Variants in CDK5RAP2 observed in about 807,000 individuals in gnomAD.
CDK5RAP2 encodes CDK5 regulatory subunit associated protein 2, also known as CDK5 regulatory subunit-associated protein 2.
CDK5RAP2 carries 147 observed loss-of-function variants against 232.9 expected under a neutral mutation model. The observed-to-expected ratio is 0.63, with a 90% CI of 0.55 to 0.72. The LOEUF is 0.72. Ranked by LOEUF, CDK5RAP2 falls within the 30% of genes least tolerant of loss-of-function variation. The pLI is 0.00. For missense variants in CDK5RAP2, 2,195 were observed against 2,231.5 expected (o/e 0.98, Z 0.33); for synonymous variants, 833 against 833.7 (o/e 1.00, Z 0.01).
At chr9:120,411,506 AAC>A (rs1253219006) in intron 28 of CDK5RAP2, 32 bp from the exon 29 acceptor site, 1 of 1,168,502 alleles carries the variant, frequency 8.6e-7, no homozygotes, top group Non-Finnish European at 1.3e-6. Flanking sequence ...CTGATTTATA[AAC>A]AGTCTCCAGA....
intron 36 of CDK5RAP2, among the ~76,000 whole-genome samples, chr9:120,394,000 A>G (rs1012265957): frequency 5.3e-5 from 8 of 151,866 alleles, no homozygotes; most frequent in African/African-American, 1.9e-4. Flanking sequence ...CTGACCCCCA[A>G]TCCCTCCCAC....
At position 120,475,722 on chromosome 9, in the gene CDK5RAP2, C is replaced by G. The variant is rs192976670; in HGVS notation, c.1727+1628G>C. ...GCAGCATGTTTTCATTTTCCCTAAA[C>G]TCATTTCCTATGAAAAAATCTGGAA... On this transcript the variant is annotated intron_variant, in intron 15 of 37. Coordinates refer to ENST00000349780, the MANE Select transcript of CDK5RAP2 (RefSeq NM_018249.6). Among the ~76,000 whole-genome samples the G allele has an allele frequency of 3.9e-5, 6 of 152,328 alleles. 1 individual carries two copies. The South Asian group carries it at 1.2e-3, about 32-fold the overall frequency.
chr9:120,466,836 G>A (rs1323312879), intron 18 of CDK5RAP2, among the ~76,000 whole-genome samples: 1 of 152,178 alleles, frequency 6.6e-6, no homozygotes, highest in East Asian at 1.9e-4. Context: ...CCCAAGAAAT[G>A]ATGTTGCAAT....
intron 25 of CDK5RAP2, among the ~76,000 whole-genome samples, chr9:120,430,616 G>C (rs1173281403): frequency 6.6e-6 from 1 of 152,080 alleles, no homozygotes; most frequent in South Asian, 2.1e-4. Flanking sequence ...GAAACAACAG[G>C]TGCTAGAGAG....
In CDK5RAP2 at chr9:120,400,739, T is replaced by G; in HGVS notation, c.5451+3A>C. 2.5e-6 allele frequency: 4 copies of G among 1,613,436 alleles called. No individual in the cohort carries two copies. The highest frequency in any genetic ancestry group is 3.4e-6 in the Non-Finnish European group (4 of 1,179,998). The stretch of plus-strand genomic sequence containing the variant: ...AGCCTCTGAAACATGTGTCACCACC[T>G]ACCTGCTCACAGTGAAGGGGGCACT... On this transcript the variant is annotated splice_donor_region_variant and intron_variant, in intron 35 of 37. Coordinates refer to ENST00000349780, the MANE Select transcript of CDK5RAP2 (RefSeq NM_018249.6).
chr9:120,501,596 C>T (rs925625334), intron 12 of CDK5RAP2, among the ~76,000 whole-genome samples: 2 of 152,172 alleles, frequency 1.3e-5, no homozygotes, highest in African/African-American at 4.8e-5. Context: ...TCTATGTCCC[C>T]TCCTATTGAA....
intron 10 of CDK5RAP2, among the ~76,000 whole-genome samples, chr9:120,527,511 TG>T (rs200622903): frequency 6.6e-5 from 1 of 15,190 alleles, no homozygotes; most frequent in African/African-American, 8.9e-5. Flanking sequence ...GATTATGTTT[TG>T]GGGGGGGATA....
At chr9:120,576,759 G>A (rs1471099967) in intron 1 of CDK5RAP2, among the ~76,000 whole-genome samples, 1 of 151,880 alleles carries the variant, frequency 6.6e-6, no homozygotes, top group Non-Finnish European at 1.5e-5. Context: ...CCAAAGGATG[G>A]CTATAATCAA....
At chr9:120,453,280 G>A (rs1395642254) in intron 21 of CDK5RAP2, among the ~76,000 whole-genome samples, 176 bp downstream of exon 21, 2 of 152,134 alleles carry the variant, frequency 1.3e-5, no homozygotes, top group East Asian at 1.9e-4. Context: ...AGGAGAGGCA[G>A]GGGAAGGTCA....
intron 3 of CDK5RAP2, among the ~76,000 whole-genome samples, chr9:120,562,112 T>C (rs1031731574): frequency 6.6e-5 from 10 of 152,206 alleles, no homozygotes; most frequent in Non-Finnish European, 4.4e-5. Flanking sequence ...TTTTCACAAT[T>C]ATACACAATG....
rs1279270922 is a variant in CDK5RAP2 at position 120,439,604 on chromosome 9, T to G, written c.3517A>C (p.Ser1173Arg). The G allele has an allele frequency of 6.2e-7, 1 of 1,614,090 alleles. No individual in the cohort carries two copies. Among genetic ancestry groups the G allele is most frequent in the African/African-American group, 1.3e-5 (1 of 74,934 alleles). The change falls in exon 24 of 38, where the codon AGT becomes CGT. Residue 1173 changes from serine (S) to arginine (R), a missense_variant. Coordinates refer to ENST00000349780, the MANE Select transcript of CDK5RAP2 (RefSeq NM_018249.6). ...GSDGEEMTFS[S>R]LHQVRYVKHV... ...TTCACGTATCGCACTTGGTGCAAACTTGAAAAGGTCATTTCTTCCCCATCA... is the reference window on the plus strand; with the variant it reads ...TTCACGTATCGCACTTGGTGCAAACGTGAAAAGGTCATTTCTTCCCCATCA...
chr9:120,413,813 GGGAGGAGGGA>G, intron 28 of CDK5RAP2, among the ~76,000 whole-genome samples: 1 of 135,928 alleles, frequency 7.4e-6, no homozygotes, highest in African/African-American at 2.9e-5. Flanking sequence ...TGAGCGAGGA[GGGAGGAGGGA>G]GGAGGGAGGA....
chr9:120,427,826 C>T (rs756190180), intron 25 of CDK5RAP2, among the ~76,000 whole-genome samples: 145 of 152,244 alleles, frequency 9.5e-4, no homozygotes, highest in Non-Finnish European at 1.9e-3. Flanking sequence ...CCACACCATA[C>T]CTATTCCAAA....
chr9:120,496,572 C>G (rs1588486293), intron 12 of CDK5RAP2, among the ~76,000 whole-genome samples: 1 of 144,976 alleles, frequency 6.9e-6, no homozygotes, highest in African/African-American at 2.5e-5. Context: ...GGGGGTCGGC[C>G]CCCCGTCCGG....
chr9:120,491,077 G>C (rs1204777647), intron 13 of CDK5RAP2, among the ~76,000 whole-genome samples: 1 of 152,286 alleles, frequency 6.6e-6, no homozygotes, highest in East Asian at 1.9e-4. Context: ...TCCAGGCTCT[G>C]CTATTTAGTC....
chr9:120,543,610 G>C (rs1169700807), intron 5 of CDK5RAP2, among the ~76,000 whole-genome samples: 5 of 152,138 alleles, frequency 3.3e-5, no homozygotes, highest in African/African-American at 9.7e-5. Flanking sequence ...TGTAATCCCA[G>C]TACTTTGGGA....
intron 29 of CDK5RAP2, among the ~76,000 whole-genome samples, chr9:120,409,556 G>A (rs1396018985): frequency 2.0e-5 from 3 of 152,248 alleles, no homozygotes; most frequent in African/African-American, 7.2e-5. Flanking sequence ...AACAGGCCAT[G>A]CAAACCTAGT....
chr9:120,399,590 G>A (rs2032817052), intron 35 of CDK5RAP2, among the ~76,000 whole-genome samples: 2 of 152,212 alleles, frequency 1.3e-5, no homozygotes, highest in African/African-American at 4.8e-5. Flanking sequence ...CCAGCCAGAA[G>A]CAGGACATGG....
chr9:120,455,593 A>G (rs1251917690), intron 20 of CDK5RAP2, among the ~76,000 whole-genome samples: 1 of 152,024 alleles, frequency 6.6e-6, no homozygotes, highest in Non-Finnish European at 1.5e-5. Flanking sequence ...AATACAAAAA[A>G]TTAGCCAGGG....
Sources: gnomAD v4.1 joint callset for allele counts (sites outside exome capture counted in the v4.1 genomes callset) on GRCh38, gnomAD v4.1.1 for gene constraint, MANE v1.5 for transcripts, NCBI Gene and HGNC (gene_info 2026-07-23, HGNC 2026-07-21) for gene names.